PCDHGB1: variants seen among roughly 807,000 people sequenced by gnomAD.
PCDHGB1 encodes the protein protocadherin gamma-B1.
PCDHGB1 carries 34 observed loss-of-function variants against 56.6 expected under a neutral mutation model. That is an observed-to-expected ratio of 0.60 (90% CI 0.46 to 0.80). PCDHGB1 has a LOEUF of 0.80. PCDHGB1 is among the 30% of genes least tolerant of loss of function. The pLI, the probability that PCDHGB1 is intolerant of heterozygous loss-of-function variation, is 0.00. For synonymous variants in PCDHGB1, 561 were observed against 505.9 expected (o/e 1.11, Z -1.46); for missense variants, 1,278 against 1,204.6 (o/e 1.06, Z -0.90).
At chr5:141,418,405 G>T in intron 1 of PCDHGB1, 1 of 1,614,020 alleles carries the variant, frequency 6.2e-7, no homozygotes, top group African/African-American at 1.3e-5. Context: ...CATTGGTGGA[G>T]AAAGACAATC....
chr5:141,405,840 A>ATATCAGTGT (rs2094725824), intron 1 of PCDHGB1, among the ~76,000 whole-genome samples: 1 of 152,188 alleles, frequency 6.6e-6, no homozygotes, highest in Non-Finnish European at 1.5e-5. Context: ...GTATAAGTTG[A>ATATCAGTGT]TATCAGTGTG....
In PCDHGB1 at chr5:141,490,584, T is replaced by C; in HGVS notation, c.2410-4223T>C. The stretch of plus-strand genomic sequence containing the variant: ...TCAGGCTCAACATTTCAGATGTCAA[T>C]GACAATGCACCCCGCTTCAACCAGC... On this transcript the variant is annotated intron_variant, in intron 1 of 3. Coordinates refer to ENST00000523390, the MANE Select transcript of PCDHGB1 (RefSeq NM_018922.3). The surrounding 1 kb of genome is among the most constrained non-coding windows in gnomAD (Gnocchi z 5.4). 6.2e-7 allele frequency: 1 copy of C among 1,614,170 alleles called. No individual in the cohort carries two copies. Among genetic ancestry groups the C allele is most frequent in the South Asian group, 1.1e-5 (1 of 91,080 alleles).
intron 1 of PCDHGB1, chr5:141,362,326 C>T: frequency 6.2e-7 from 1 of 1,614,070 alleles, no homozygotes; most frequent in African/African-American, 1.3e-5. Flanking sequence ...TCAGCCTGGT[C>T]TCAGCTCCAA....
Position 141,437,485 on chromosome 5 carries a change from C to T in PCDHGB1, c.2410-57322C>T, listed in dbSNP as rs372023505. The stretch of plus-strand genomic sequence containing the variant: ...TATACTTTTATAGCATATTTAATCT[C>T]GTAGATCACTTTTCAATGAATTATA... On this transcript the variant is annotated intron_variant, in intron 1 of 3. Transcript: ENST00000523390. Among the ~76,000 whole-genome samples, 16 of 152,188 alleles carry T rather than the reference C, an allele frequency of 1.1e-4. No individual in the cohort carries two copies. In the East Asian group the frequency reaches 2.9e-3, roughly 28 times the overall value.
Position 141,489,363 on chromosome 5 carries a change from G to A in PCDHGB1, c.2410-5444G>A, listed in dbSNP as rs767837736. On this transcript the variant is annotated intron_variant, in intron 1 of 3. Transcript: ENST00000523390. This position sits in a 1 kb window ranked among gnomAD's most constrained non-coding sequence, Gnocchi z 4.5. ...ACTCAGTGGTGGAGGAGTCTGAGCC[G>A]GGGACGCTGGTGGGGAATGTTGCTC... 46 of 1,613,114 alleles carry A rather than the reference G, an allele frequency of 2.9e-5. 1 individual carries two copies. In the South Asian group the frequency reaches 3.4e-4, roughly 12 times the overall value.
chr5:141,476,699 G>C lies in PCDHGB1; in HGVS notation c.2410-18108G>C. 1 of 1,614,222 alleles carries C rather than the reference G, an allele frequency of 6.2e-7. No individual in the cohort carries two copies. The highest frequency in any genetic ancestry group is 8.5e-7 in the Non-Finnish European group (1 of 1,180,042). ...GCGGGAGGACAGCACCAAGTACGCG[G>C]AGCTGGTGTTGGAGCGCGCCCTGGA... is the stretch of plus-strand genomic sequence containing the variant. On this transcript the variant is annotated intron_variant, in intron 1 of 3. Transcript: ENST00000523390. The surrounding 1 kb of genome is among the most constrained non-coding windows in gnomAD (Gnocchi z 7.6).
At position 141,371,163 on chromosome 5, in the gene PCDHGB1, G is replaced by C. The variant is rs79773129; in HGVS notation, c.2409+18494G>C. 1.0e-4 allele frequency: 165 copies of C among 1,613,984 alleles called. No individual in the cohort carries two copies. In the African/African-American group the frequency reaches 2.0e-3, roughly 19 times the overall value. ...GGTCAATGTTGCAGAGAACCTGCCC[G>C]CTGGCTCCTCCGTATTAAAAGTGAT... On this transcript the variant is annotated intron_variant, in intron 1 of 3. Coordinates refer to ENST00000523390, the MANE Select transcript of PCDHGB1 (RefSeq NM_018922.3).
intron 2 of PCDHGB1, 70 bp downstream of exon 2, chr5:141,494,935 G>T (rs1456805368): frequency 2.5e-6 from 4 of 1,612,364 alleles, no homozygotes; most frequent in African/African-American, 1.3e-5. Context: ...GGGAGGAGAT[G>T]GGGGAGGGCC....
At chr5:141,394,790 G>T (rs776824024) in intron 1 of PCDHGB1, 1 of 1,613,718 alleles carries the variant, frequency 6.2e-7, no homozygotes, top group Non-Finnish European at 8.5e-7. Context: ...CCACTGTCAC[G>T]CTCACCGTAG....
Position 141,485,465 on chromosome 5 carries a change from C to A in PCDHGB1, c.2410-9342C>A, listed in dbSNP as rs2099614061. 6.2e-7 allele frequency: 1 copy of A among 1,614,044 alleles called. No homozygotes were observed. Among genetic ancestry groups the A allele is most frequent in the African/African-American group, 1.3e-5 (1 of 74,918 alleles). ...AATCGACCGAGAGGCACTGTGTGGG[C>A]TCAGTGCCAGCTGCATCGTGCCCCT... On this transcript the variant is annotated intron_variant, in intron 1 of 3. Transcript: ENST00000523390. This position sits in a 1 kb window ranked among gnomAD's most constrained non-coding sequence, Gnocchi z 5.7.
At chr5:141,357,195 C>G in intron 1 of PCDHGB1, 1 of 1,613,770 alleles carries the variant, frequency 6.2e-7, no homozygotes. Flanking sequence ...TGGCTGTGGC[C>G]GACAGCATCC....
chr5:141,365,137 A>G (rs896268643), intron 1 of PCDHGB1: 15 of 1,613,972 alleles, frequency 9.3e-6, no homozygotes, highest in Non-Finnish European at 1.3e-5. Flanking sequence ...CCACGGATCC[A>G]GATGAGGGAA....
intron 1 of PCDHGB1, among the ~76,000 whole-genome samples, chr5:141,450,223 G>A (rs1458841129): frequency 2.0e-5 from 3 of 151,818 alleles, no homozygotes; most frequent in Non-Finnish European, 4.4e-5. Context: ...TCACTATGTT[G>A]GCCAGGCTAG....
At chr5:141,421,065 A>C in intron 1 of PCDHGB1, 1 of 591,556 alleles carries the variant, frequency 1.7e-6, no homozygotes. Flanking sequence ...CACAAAGCGG[A>C]ATGAGATGGA....
rs2154532733 is a variant in PCDHGB1, at chr5:141,403,281, T to C, written c.2409+50612T>C. ...TGTCTGGTGAACTTTAAAGTCCTGGTTGAAGACAGAGTGAAACTGTACGGA... is the reference window on the plus strand; with the variant it reads ...TGTCTGGTGAACTTTAAAGTCCTGGCTGAAGACAGAGTGAAACTGTACGGA... On this transcript the variant is annotated intron_variant, in intron 1 of 3. Transcript: ENST00000523390. The C allele has an allele frequency of 2.5e-6, 4 of 1,613,908 alleles. No individual in the cohort carries two copies. Among genetic ancestry groups the C allele is most frequent in the African/African-American group, 1.3e-5 (1 of 75,080 alleles).
rs140199351 is a variant in PCDHGB1, at chr5:141,465,921, G to C, written c.2410-28886G>C. Among the ~76,000 whole-genome samples, 1,515 of 152,146 alleles carry C rather than the reference G, an allele frequency of 1.0e-2. 24 individuals carry two copies. The highest frequency in any genetic ancestry group is 0.034 in the African/African-American group (1,400 of 41,520). On this transcript the variant is annotated intron_variant, in intron 1 of 3. Transcript: ENST00000523390. ...GCAAATCACGAGGTCAGGATTTCGA[G>C]TCCATCCTGGCTAACATGGTGAAAC...
chr5:141,484,552 G>T (rs2099597743), intron 1 of PCDHGB1, among the ~76,000 whole-genome samples: 1 of 152,138 alleles, frequency 6.6e-6, no homozygotes, highest in African/African-American at 2.4e-5. Context: ...CTAATTAGCA[G>T]TTGCTCCAAT....
At chr5:141,463,844 G>T (rs545618795) in intron 1 of PCDHGB1, among the ~76,000 whole-genome samples, 1 of 152,140 alleles carries the variant, frequency 6.6e-6, no homozygotes, top group African/African-American at 2.4e-5. Context: ...AGTTGTTATA[G>T]TGGTATATCT....
intron 1 of PCDHGB1, among the ~76,000 whole-genome samples, chr5:141,451,062 T>C (rs1292296274): frequency 1.3e-5 from 2 of 151,500 alleles, no homozygotes; most frequent in Non-Finnish European, 2.9e-5. Flanking sequence ...ACTCCTGACC[T>C]TGTGATCCAC....
Sources: allele counts gnomAD v4.1 joint callset (sites outside exome capture counted in the v4.1 genomes callset), GRCh38; gene constraint gnomAD v4.1.1; non-coding constraint Gnocchi (gnomAD v3.1); transcripts MANE v1.5; gene names NCBI Gene and HGNC (gene_info 2026-07-23, HGNC 2026-07-21).